SCAF4: variants seen among roughly 807,000 people sequenced by gnomAD.
SCAF4 encodes the protein SR-related CTD associated factor 4, also known as SR-related and CTD-associated factor 4.
In SCAF4, 25 loss-of-function variants were observed where a neutral mutation model predicts 129.8. The ratio of observed to expected loss-of-function variants is 0.19; its 90% CI spans 0.14 to 0.27. The LOEUF is 0.27. Among genes scored for constraint, SCAF4 ranks in the 10% least tolerant of loss-of-function variants. The probability of loss-of-function intolerance (pLI) is 1.00; values close to 1 mark genes in which losing one functional copy is unlikely to be tolerated. For synonymous variants in SCAF4, 551 were observed against 497.7 expected, an observed-to-expected ratio of 1.11 and a Z score of -1.43; for missense variants, 1,246 against 1,457.1, an observed-to-expected ratio of 0.86 and a Z score of 2.36.
Position 31,690,368 on chromosome 21 carries a change from C to T in SCAF4, c.1885+429G>A, listed in dbSNP as rs902129653. On this transcript the variant is annotated intron_variant, in intron 15 of 19. Transcript: ENST00000286835. ...GGCAAGGTGGCACGCGCCTGTAGTC[C>T]CAGCTACTCGGGAGACTGAAGGAGG... 1.2e-4 allele frequency among the ~76,000 whole-genome samples: 18 copies of T among 152,184 alleles called. No homozygotes were observed. The South Asian group carries it at 3.7e-3, about 32-fold the overall frequency.
intron 1 of SCAF4, among the ~76,000 whole-genome samples, chr21:31,715,642 C>T (rs145302431): frequency 5.6e-4 from 86 of 152,268 alleles, no homozygotes; most frequent in African/African-American, 2.0e-3. Flanking sequence ...TGATTTTCTG[C>T]TATTTGATGT....
intron 1 of SCAF4, among the ~76,000 whole-genome samples, chr21:31,728,561 CTATT>C (rs1352862261): frequency 6.6e-6 from 1 of 152,016 alleles, no homozygotes; most frequent in East Asian, 1.9e-4. Context: ...AGGGGAGTTA[CTATT>C]TATTATAATT....
chr21:31,690,416 C>T (rs1322284094), intron 15 of SCAF4, among the ~76,000 whole-genome samples: 1 of 152,084 alleles, frequency 6.6e-6, no homozygotes, highest in African/African-American at 2.4e-5. Flanking sequence ...ACCTGGGAGG[C>T]AGAGGTTGCA....
At chr21:31,688,559 C>A in intron 15 of SCAF4, 95 bp from the exon 16 acceptor site, 1 of 1,000,838 alleles carries the variant, frequency 1.0e-6, no homozygotes, top group Non-Finnish European at 1.5e-6. Flanking sequence ...AAACCTAGCC[C>A]AGTTATTAAA....
chr21:31,711,995 A>C (rs190795884), intron 1 of SCAF4, among the ~76,000 whole-genome samples: 6 of 152,306 alleles, frequency 3.9e-5, no homozygotes, highest in Non-Finnish European at 8.8e-5. Flanking sequence ...GATGATCAAA[A>C]TACTGATCAA....
chr21:31,715,193 T>C (rs1251607973), intron 1 of SCAF4, among the ~76,000 whole-genome samples: 2 of 152,170 alleles, frequency 1.3e-5, no homozygotes, highest in Admixed American at 6.5e-5. Flanking sequence ...GGTGCCTACA[T>C]TCTTTTGGCT....
chr21:31,678,932 T>C (rs2049931369), intron 19 of SCAF4, among the ~76,000 whole-genome samples: 2 of 152,228 alleles, frequency 1.3e-5, no homozygotes, highest in Non-Finnish European at 2.9e-5. Flanking sequence ...CTGGTATTTC[T>C]AGTATACCTA....
At chr21:31,689,815 G>C (rs2050216170) in intron 15 of SCAF4, among the ~76,000 whole-genome samples, 1 of 151,446 alleles carries the variant, frequency 6.6e-6, no homozygotes. Context: ...CGCGCCTGTA[G>C]TCCCAGCTAC....
intron 4 of SCAF4, among the ~76,000 whole-genome samples, chr21:31,702,944 G>A (rs1271335883): frequency 1.3e-5 from 2 of 152,062 alleles, no homozygotes; most frequent in African/African-American, 4.8e-5. Context: ...TTTATATGCT[G>A]TTTATTGTAA....
Position 31,685,680 on chromosome 21 carries a change from A to G in SCAF4, c.2097T>C (p.Ala699=). 6.2e-7 allele frequency: 1 copy of G among 1,613,070 alleles called. No individual in the cohort carries two copies. Among genetic ancestry groups the G allele is most frequent in the Middle Eastern group, 1.7e-4 (1 of 5,978 alleles). The change falls in exon 17 of 20, where the codon GCT becomes GCC. Residue 699 remains alanine (A), a synonymous_variant. Coordinates refer to ENST00000286835, the MANE Select transcript of SCAF4 (RefSeq NM_020706.2). ...GCGGTATTCCCAGAGGAGGCGTGAA[A>G]GCAGGCGGCTGGAGAGCACCAACTA... ...PPVVGALQPP[A]FTPPLGIPPP...
At chr21:31,700,927 A>C in intron 7 of SCAF4, 68 bp downstream of exon 7, 2 of 1,470,160 alleles carry the variant, frequency 1.4e-6, no homozygotes, top group Non-Finnish European at 1.9e-6. Context: ...GGGATACAGA[A>C]GTGATAATTT....
chr21:31,678,820 C>T (rs569113087), intron 19 of SCAF4, among the ~76,000 whole-genome samples: 1 of 152,256 alleles, frequency 6.6e-6, no homozygotes, highest in South Asian at 2.1e-4. Context: ...CGTGTTACAC[C>T]CTTATACTGC....
intron 1 of SCAF4, among the ~76,000 whole-genome samples, chr21:31,721,066 T>C (rs1036416055): frequency 1.3e-5 from 2 of 152,234 alleles, no homozygotes; most frequent in African/African-American, 4.8e-5. Flanking sequence ...ATTCAAGAGT[T>C]GTGCACCCAT....
intron 1 of SCAF4, among the ~76,000 whole-genome samples, chr21:31,718,072 T>C (rs920520394): frequency 5.3e-5 from 8 of 152,096 alleles, no homozygotes; most frequent in Non-Finnish European, 1.0e-4. Context: ...GCCTCCCAAG[T>C]AGCTGGGATT....
At chr21:31,673,525 G>A (rs1462755687) in intron 19 of SCAF4, among the ~76,000 whole-genome samples, 2 of 135,430 alleles carry the variant, frequency 1.5e-5, no homozygotes, top group Non-Finnish European at 3.2e-5. Flanking sequence ...AAATGGATGA[G>A]GTGATGGCTC....
intron 7 of SCAF4, among the ~76,000 whole-genome samples, chr21:31,699,185 T>C (rs2050458904): frequency 6.6e-6 from 1 of 152,136 alleles, no homozygotes; most frequent in Admixed American, 6.5e-5. Context: ...GAATTTAGTG[T>C]ATAAAAAAGT....
intron 15 of SCAF4, among the ~76,000 whole-genome samples, chr21:31,689,418 G>A (rs886272161): frequency 2.0e-5 from 3 of 150,260 alleles, no homozygotes; most frequent in African/African-American, 7.3e-5. Flanking sequence ...CAGCCTCAGC[G>A]TTCCAAGTAG....
At chr21:31,685,776 C>A in intron 16 of SCAF4, 43 bp from the exon 17 acceptor site, 3 of 1,510,324 alleles carry the variant, frequency 2.0e-6, no homozygotes, top group Non-Finnish European at 2.7e-6. Context: ...TCTAGACACC[C>A]TCCCATCCAC....
In SCAF4 at chr21:31,693,291, T is replaced by C; in HGVS notation, c.1513+3A>G. ...TGAGGTTTGAATATAAAGGTTGAGT[T>C]ACCACTTGCAGTTTCCGGTTTCACT... On this transcript the variant is annotated splice_donor_region_variant and intron_variant, in intron 12 of 19. Transcript: ENST00000286835. 5.5e-6 allele frequency: 8 copies of C among 1,459,582 alleles called. No individual in the cohort carries two copies. Among genetic ancestry groups the C allele is most frequent in the Non-Finnish European group, 7.4e-6 (8 of 1,087,370 alleles). The allele number at this position is 1,459,582 out of a possible 1,614,324, so 90.4% of individuals were successfully genotyped here.
Sources: allele counts gnomAD v4.1 joint callset (sites outside exome capture counted in the v4.1 genomes callset), GRCh38; gene constraint gnomAD v4.1.1; transcripts MANE v1.5; gene names NCBI Gene and HGNC (gene_info 2026-07-23, HGNC 2026-07-21).